Variants in EXOG observed in about 807,000 individuals in gnomAD.
EXOG encodes exo/endonuclease G, also known as nuclease EXOG, mitochondrial.
Under a neutral mutation model 25.8 loss-of-function variants are expected in EXOG, and 27 were observed. The ratio of observed to expected loss-of-function variants is 1.05; its 90% confidence interval spans 0.77 to 1.45. The LOEUF (loss-of-function observed/expected upper bound fraction) is 1.45. EXOG is among the 40% of genes most tolerant of loss of function. The pLI, the probability that EXOG is intolerant of heterozygous loss-of-function variation, is 0.00. For missense variants in EXOG, 458 were observed against 450.5 expected (o/e 1.02, Z -0.15); for synonymous variants, 133 against 167.0 (o/e 0.80, Z 1.57).
rs367925731 is a variant in EXOG, at chr3:38,524,381, T to C, written c.*19T>C. ...ATCCTAGTTTTTATCTCAAGATGTG[T>C]CATACCGTCTGTAATGAAGCAGGCA... On this transcript the variant is annotated 3_prime_UTR_variant, in exon 6 of 6. Coordinates refer to ENST00000287675, the MANE Select transcript of EXOG (RefSeq NM_005107.4). The C allele has an allele frequency of 6.3e-7, 1 of 1,575,452 alleles. No homozygotes were observed. The highest frequency in any genetic ancestry group is 8.6e-7 in the Non-Finnish European group (1 of 1,164,240).
In EXOG at chr3:38,526,090, C is replaced by T. The variant is rs1006683819; in HGVS notation, c.*1728C>T. ...CCTAGGGGAAATTGTGGCTGTTTTT[C>T]TGAGCCAGATCTCTTGATTTGGGTT... On this transcript the variant is annotated 3_prime_UTR_variant, in exon 6 of 6. Transcript: ENST00000287675. 9 of 985,292 alleles carry T rather than the reference C, an allele frequency of 9.1e-6. No homozygotes were observed. The African/African-American group carries it at 1.6e-4, about 17-fold the overall frequency. 61.0% of individuals were successfully genotyped at this position (985,292 alleles called of 1,614,324 possible). A position where few individuals can be genotyped will look rare whatever the true frequency, so the allele number is the denominator to read the frequency against.
At chr3:38,512,756 A>G (rs1433839613) in intron 5 of EXOG, among the ~76,000 whole-genome samples, 1 of 152,160 alleles carries the variant, frequency 6.6e-6, no homozygotes, top group Non-Finnish European at 1.5e-5. Context: ...AGTCCAGCCC[A>G]TAGAGGTATT....
At chr3:38,513,555 A>ATGG (rs1244294471) in intron 5 of EXOG, among the ~76,000 whole-genome samples, 2,124 of 64,256 alleles carry the variant, frequency 0.033, 50 homozygotes, top group African/African-American at 0.21. Context: ...TCTTTTTAAA[A>ATGG]ATACTTTCTA....
At position 38,506,881 on chromosome 3, in the gene EXOG, A is replaced by G. The variant is rs889603814; in HGVS notation, c.558A>G (p.Thr186=). Reference sequence around the variant, plus strand: ...TAGAAATGTACTGTCGAGAGCTGACAGAAAGGTTTGAAGATGTTTGGGTGG... The same window carrying G: ...TAGAAATGTACTGTCGAGAGCTGACGGAAAGGTTTGAAGATGTTTGGGTGG... ...NRIEMYCREL[T]ERFEDVWVVS... is the part of the protein sequence containing the mutation. Residue 186 remains threonine, a synonymous_variant, in exon 5 of 6, where the codon ACA becomes ACG. Transcript: ENST00000287675. The G allele has an allele frequency of 6.3e-7, 1 of 1,598,746 alleles. No individual in the cohort carries two copies. The highest frequency in any genetic ancestry group is 8.6e-7 in the Non-Finnish European group (1 of 1,166,386).
chr3:38,525,527 TG>T lies in EXOG; in HGVS notation c.*1169del. 5 of 985,438 alleles carry T rather than the reference TG, an allele frequency of 5.1e-6. No homozygotes were observed. The highest frequency in any genetic ancestry group is 6.0e-6 in the Non-Finnish European group (5 of 829,918). 61.0% of individuals were successfully genotyped at this position (985,438 alleles called of 1,614,324 possible). On this transcript the variant is annotated 3_prime_UTR_variant, in exon 6 of 6. Transcript: ENST00000287675. ...TTGGGAATTAGACGGCAATACTTTG[TG>T]GGGTTTATTAGAGCCCATGCTTGCC... is the stretch of plus-strand genomic sequence containing the variant.
At position 38,524,233 on chromosome 3, in the gene EXOG, A is replaced by G. The variant is rs772905287; in HGVS notation, c.978A>G (p.Glu326=). 4.3e-6 allele frequency: 7 copies of G among 1,614,160 alleles called. No homozygotes were observed. The South Asian group carries it at 6.6e-5, about 15-fold the overall frequency. Residue 326 remains glutamate, a synonymous_variant, in exon 6 of 6, where the codon GAA becomes GAG. Coordinates refer to ENST00000287675, the MANE Select transcript of EXOG (RefSeq NM_005107.4). ...IEGARSVLRL[E]KIMENLKNAE... is the part of the protein sequence containing the mutation. ...GAGCCCGATCAGTGCTCAGACTGGA[A>G]AAGATCATGGAAAACTTGAAGAATG...
At chr3:38,513,496 A>G (rs2060433773) in intron 5 of EXOG, among the ~76,000 whole-genome samples, 1 of 152,250 alleles carries the variant, frequency 6.6e-6, no homozygotes, top group Non-Finnish European at 1.5e-5. Context: ...TACCACAAAC[A>G]ACGGAAAAAC....
chr3:38,516,435 G>A (rs1192865155), intron 5 of EXOG, among the ~76,000 whole-genome samples: 6 of 152,084 alleles, frequency 3.9e-5, no homozygotes, highest in Non-Finnish European at 1.5e-5. Context: ...GAACTTCCCT[G>A]TATCTTTCAC....
intron 5 of EXOG, among the ~76,000 whole-genome samples, chr3:38,510,164 C>T (rs1237919551): frequency 1.3e-5 from 2 of 152,130 alleles, no homozygotes; most frequent in East Asian, 3.9e-4. Flanking sequence ...TCAGGCATAC[C>T]CCAATTGAGA....
chr3:38,523,294 A>G, intron 5 of EXOG: 2 of 1,287,920 alleles, frequency 1.6e-6, no homozygotes, highest in Non-Finnish European at 2.0e-6. Context: ...GGACTCACTC[A>G]TGGCATTCCT....
Position 38,497,075 on chromosome 3 carries a change from CAAAA to C in EXOG, c.164-541_164-538del, listed in dbSNP as rs5848435. On this transcript the variant is annotated intron_variant, in intron 1 of 5. Transcript: ENST00000287675. ...GTTGCAATGGGTACCTTATATTTGACAAAAAAAAAAAAAAAATTAACACGAGCTC... is the reference window on the plus strand; with the variant it reads ...GTTGCAATGGGTACCTTATATTTGACAAAAAAAAAAAATTAACACGAGCTC... 17 of 903,568 alleles carry C rather than the reference CAAAA, an allele frequency of 1.9e-5. No individual in the cohort carries two copies. The African/African-American group carries it at 2.3e-4, about 12-fold the overall frequency. 56.0% of individuals were successfully genotyped at this position (903,568 alleles called of 1,614,324 possible).
chr3:38,500,307 A>G (rs984775143), intron 2 of EXOG: 3 of 152,180 alleles, frequency 2.0e-5, no homozygotes, highest in Non-Finnish European at 4.4e-5. Context: ...CAGTAAATTT[A>G]TATCTTTTCT....
At chr3:38,501,076 TA>T in intron 2 of EXOG, 1 of 268,250 alleles carries the variant, frequency 3.7e-6, no homozygotes, top group Non-Finnish European at 7.0e-6. Context: ...TGTTTTTACT[TA>T]AAATACTATT....
intron 5 of EXOG, chr3:38,515,326 G>A (rs1246745391): frequency 6.6e-6 from 1 of 152,500 alleles, no homozygotes; most frequent in Non-Finnish European, 1.5e-5. Context: ...GGATTATGAG[G>A]TCACGGGAAT....
chr3:38,497,547 CT>C (rs1411859885), intron 1 of EXOG, 81 bp from the exon 2 acceptor site: 1 of 1,472,534 alleles, frequency 6.8e-7, no homozygotes, highest in Non-Finnish European at 8.9e-7. Flanking sequence ...TCCTTATAAT[CT>C]TTCATTATTA....
At chr3:38,497,188 G>T (rs1286798155) in intron 1 of EXOG, 13 of 1,007,356 alleles carry the variant, frequency 1.3e-5, no homozygotes, top group Non-Finnish European at 1.5e-5. Flanking sequence ...CCCTTGGGGG[G>T]TTGAGGATTT....
At position 38,524,474 on chromosome 3, in the gene EXOG, G is replaced by C. The variant is rs1575684435; in HGVS notation, c.*112G>C. 6.9e-7 allele frequency: 1 copy of C among 1,439,692 alleles called. No individual in the cohort carries two copies. Among genetic ancestry groups the C allele is most frequent in the East Asian group, 2.5e-5 (1 of 40,040 alleles). 89.2% of individuals were successfully genotyped at this position (1,439,692 alleles called of 1,614,324 possible). On this transcript the variant is annotated 3_prime_UTR_variant, in exon 6 of 6. Transcript: ENST00000287675. Reference sequence around the variant, plus strand: ...CTTTTTAAAAAGTTTTTCTCTTTAAGAGATGTGGTCTCGCCGTGTCATCCA... The same window carrying C: ...CTTTTTAAAAAGTTTTTCTCTTTAACAGATGTGGTCTCGCCGTGTCATCCA...
In EXOG at chr3:38,517,904, T is replaced by C. The variant is rs539645753; in HGVS notation, c.646-5997T>C. 8.5e-5 allele frequency among the ~76,000 whole-genome samples: 13 copies of C among 152,354 alleles called. No homozygotes were observed. The East Asian group carries it at 2.1e-3, about 25-fold the overall frequency. On this transcript the variant is annotated intron_variant, in intron 5 of 5. Transcript: ENST00000287675. ...TGTTTTTCACTAACAAATATCTCCATAATAATACTGCTTTTATTAGTTTTG... is the reference window on the plus strand; with the variant it reads ...TGTTTTTCACTAACAAATATCTCCACAATAATACTGCTTTTATTAGTTTTG...
intron 1 of EXOG, chr3:38,496,799 C>CTCA (rs766054562): frequency 6.9e-6 from 10 of 1,451,842 alleles, no homozygotes; most frequent in Non-Finnish European, 9.1e-6. Flanking sequence ...CCCCCAGTTA[C>CTCA]TCATCGCGAT....
Sources: gnomAD v4.1 joint callset for allele counts (sites outside exome capture counted in the v4.1 genomes callset) on GRCh38, gnomAD v4.1.1 for gene constraint, MANE v1.5 for transcripts, NCBI Gene and HGNC (gene_info 2026-07-23, HGNC 2026-07-21) for gene names.